Variants in SFI1 observed in about 807,000 individuals in gnomAD.
SFI1 encodes the protein SFI1 centrin binding protein.
SFI1 carries 195 observed loss-of-function variants against 207.5 expected under a neutral mutation model. The ratio of observed to expected loss-of-function variants is 0.94; its 90% confidence interval spans 0.84 to 1.06. The LOEUF (loss-of-function observed/expected upper bound fraction) is 1.06. SFI1 is among the 50% of genes least tolerant of loss of function. The probability of loss-of-function intolerance (pLI) is 0.00; values close to 1 mark genes in which losing one functional copy is unlikely to be tolerated. For missense variants in SFI1, 1,634 were observed against 1,588.0 expected (o/e 1.03, Z -0.49); for synonymous variants, 630 against 598.9 (o/e 1.05, Z -0.76).
intron 23 of SFI1, 130 bp downstream of exon 23, chr22:31,611,433 T>G: frequency 8.2e-7 from 1 of 1,217,728 alleles, no homozygotes; most frequent in Non-Finnish European, 1.1e-6. Flanking sequence ...GGTGGGTGGT[T>G]TGGGGTCCTG....
chr22:31,530,995 A>T (rs2058463022), intron 3 of SFI1, 63 bp from the exon 4 acceptor site: 1 of 1,405,654 alleles, frequency 7.1e-7, no homozygotes, highest in Admixed American at 1.8e-5. Flanking sequence ...CCTTTCCAGA[A>T]AACTGCTGAT....
chr22:31,535,292 C>T (rs1164137177), intron 4 of SFI1, among the ~76,000 whole-genome samples: 3 of 148,972 alleles, frequency 2.0e-5, no homozygotes, highest in African/African-American at 5.0e-5. Context: ...CGGGTTCAAG[C>T]GATTCTCCTG....
intron 21 of SFI1, 24 bp from the exon 22 acceptor site, chr22:31,607,913 G>T: frequency 6.2e-7 from 1 of 1,610,010 alleles, no homozygotes. Flanking sequence ...AGTGACTCTT[G>T]CTGTGCTCCT....
At chr22:31,546,564 C>A (rs1430152491) in intron 4 of SFI1, among the ~76,000 whole-genome samples, 2 of 152,058 alleles carry the variant, frequency 1.3e-5, no homozygotes, top group Middle Eastern at 3.4e-3. Context: ...TTGTGATCCA[C>A]CCGCCTTGGC....
chr22:31,617,084 C>T lies in SFI1; in HGVS notation c.3512+6C>T, dbSNP rs1392428648. The T allele has an allele frequency of 1.2e-6, 2 of 1,613,696 alleles. No individual in the cohort carries two copies. Among genetic ancestry groups the T allele is most frequent in the Non-Finnish European group, 8.5e-7 (1 of 1,179,938 alleles). On this transcript the variant is annotated splice_donor_region_variant and intron_variant, in intron 31 of 32. Transcript: ENST00000400288. The stretch of plus-strand genomic sequence containing the variant: ...ACCACCAAGCAGAACCTCTGGTGAG[C>T]CCTGCGAAACGCCCTGCAGCCCTGG...
chr22:31,569,363 A>C lies in SFI1; in HGVS notation c.766-3695A>C, dbSNP rs149047653. Among the ~76,000 whole-genome samples, 3 of 152,314 alleles carry C rather than the reference A, an allele frequency of 2.0e-5. No homozygotes were observed. The East Asian group carries it at 5.8e-4, about 29-fold the overall frequency. ...TATGTAAGGGGAAGTACCCAGCCAC[A>C]TTCATGAACTGTTCTTGCCTAAAAA... is the stretch of plus-strand genomic sequence containing the variant. On this transcript the variant is annotated intron_variant, in intron 8 of 32. Coordinates refer to ENST00000400288, the MANE Select transcript of SFI1 (RefSeq NM_001007467.3).
chr22:31,598,434 A>G (rs2067492092), intron 15 of SFI1, among the ~76,000 whole-genome samples: 1 of 151,178 alleles, frequency 6.6e-6, no homozygotes, highest in Non-Finnish European at 1.5e-5. Context: ...ATCATAGGTT[A>G]GTTTTGCATG....
chr22:31,613,398 G>A lies in SFI1; in HGVS notation c.2610G>A (p.Lys870=). ...WLAFVLERRR[K]KARLQWALQA... The stretch of plus-strand genomic sequence containing the variant: ...CCTTTGTACTGGAAAGGAGGAGAAA[G>A]AAGGCGCGGCTGCAGTGGGCGCTCC... The change falls in exon 26 of 33, where the codon AAG becomes AAA. Residue 870 remains lysine, a synonymous_variant. Coordinates refer to ENST00000400288, the MANE Select transcript of SFI1 (RefSeq NM_001007467.3). 6.2e-7 allele frequency: 1 copy of A among 1,611,664 alleles called. No homozygotes were observed. Among genetic ancestry groups the A allele is most frequent in the South Asian group, 1.1e-5 (1 of 91,056 alleles).
intron 1 of SFI1, among the ~76,000 whole-genome samples, chr22:31,497,636 T>C (rs1189767434): frequency 6.6e-6 from 1 of 152,108 alleles, no homozygotes; most frequent in East Asian, 1.9e-4. Context: ...AAGAGTTCCA[T>C]GTCTCTCACT....
intron 15 of SFI1, among the ~76,000 whole-genome samples, chr22:31,593,586 G>C (rs1272171114): frequency 9.0e-6 from 1 of 110,768 alleles, no homozygotes; most frequent in Non-Finnish European, 1.8e-5. Context: ...TCACTTCCCA[G>C]ACGGGGTGGC....
chr22:31,611,490 C>T (rs143441468), intron 23 of SFI1, among the ~76,000 whole-genome samples, 187 bp downstream of exon 23: 100 of 152,294 alleles, frequency 6.6e-4, no homozygotes, highest in Non-Finnish European at 1.3e-3. Context: ...TGGAGCCTAG[C>T]GAGTAGCCAG....
intron 1 of SFI1, among the ~76,000 whole-genome samples, chr22:31,498,762 A>G (rs947936193): frequency 1.3e-5 from 2 of 152,184 alleles, no homozygotes; most frequent in African/African-American, 2.4e-5. Context: ...TGATAGAAAA[A>G]TCAAGCAAAC....
chr22:31,515,595 C>T (rs957495179), intron 2 of SFI1, among the ~76,000 whole-genome samples: 6 of 151,648 alleles, frequency 4.0e-5, no homozygotes, highest in East Asian at 3.9e-4. Flanking sequence ...TGGTTGCCCA[C>T]GCTGGTCTTG....
intron 2 of SFI1, among the ~76,000 whole-genome samples, chr22:31,515,397 G>GGAGTACAGTGGCAT (rs1174380014): frequency 6.6e-6 from 1 of 150,828 alleles, no homozygotes; most frequent in Non-Finnish European, 1.5e-5. Flanking sequence ...TACCCAGGCT[G>GGAGTACAGTGGCAT]GAGTACAGTG....
In SFI1 at chr22:31,581,287, CT is replaced by C. The variant is rs11382099; in HGVS notation, c.1248+936del. Among the ~76,000 whole-genome samples the C allele has an allele frequency of 1.1e-3, 158 of 144,990 alleles. 1 individual carries two copies. Among genetic ancestry groups the C allele is most frequent in the African/African-American group, 2.7e-3 (107 of 39,218 alleles). On this transcript the variant is annotated intron_variant, in intron 12 of 32. Transcript: ENST00000400288. Reference sequence around the variant, plus strand: ...AGCCACCGCACCTGGCCCAAATATACTTTTTTTTTTTTTGAGACAGGGTCTT... The same window carrying C: ...AGCCACCGCACCTGGCCCAAATATACTTTTTTTTTTTTGAGACAGGGTCTT...
intron 1 of SFI1, among the ~76,000 whole-genome samples, chr22:31,503,408 C>T (rs1198609456): frequency 6.6e-6 from 1 of 152,052 alleles, no homozygotes; most frequent in African/African-American, 2.4e-5. Flanking sequence ...ACCTGTTAGG[C>T]CACTTCATTT....
chr22:31,586,162 C>G (rs1353847885), intron 14 of SFI1, among the ~76,000 whole-genome samples: 1 of 152,140 alleles, frequency 6.6e-6, no homozygotes, highest in Non-Finnish European at 1.5e-5. Flanking sequence ...CCTAAAGGTC[C>G]TCTGTGCCCT....
intron 4 of SFI1, among the ~76,000 whole-genome samples, chr22:31,544,135 G>A (rs1418044989): frequency 1.3e-5 from 2 of 152,178 alleles, no homozygotes; most frequent in African/African-American, 4.8e-5. Flanking sequence ...ATTACAGTGA[G>A]CAGAGATCAT....
chr22:31,577,667 G>C (rs1223435293), intron 10 of SFI1, among the ~76,000 whole-genome samples: 1 of 152,150 alleles, frequency 6.6e-6, no homozygotes, highest in Non-Finnish European at 1.5e-5. Context: ...GGAGTTTGAG[G>C]CTACAGTGAA....
Sources: gnomAD v4.1 joint callset for allele counts (sites outside exome capture counted in the v4.1 genomes callset) on GRCh38, gnomAD v4.1.1 for gene constraint, MANE v1.5 for transcripts, NCBI Gene and HGNC (gene_info 2026-07-23, HGNC 2026-07-21) for gene names.